Variants in WDPCP observed in about 807,000 individuals in gnomAD.
WDPCP encodes the protein WD repeat containing planar cell polarity effector, also known as WD repeat-containing and planar cell polarity effector protein fritz homolog.
In WDPCP, 71 loss-of-function variants were observed where a neutral mutation model predicts 93.1. The observed-to-expected ratio is 0.76, with a 90% confidence interval of 0.63 to 0.93. The LOEUF (loss-of-function observed/expected upper bound fraction) is 0.93, where lower values mean the gene tolerates loss of function less well. Ranked by LOEUF, WDPCP falls within the 40% of genes least tolerant of loss-of-function variation. The pLI is 0.00. For synonymous variants in WDPCP, 315 were observed against 315.0 expected (o/e 1.00, Z 0.00); for missense variants, 844 against 887.4 (o/e 0.95, Z 0.62).
chr2:63,807,232 A>C (rs1348403111), intron 2 of WDPCP, among the ~76,000 whole-genome samples: 1 of 152,140 alleles, frequency 6.6e-6, no homozygotes, highest in Non-Finnish European at 1.5e-5. Context: ...AGTAATCCCC[A>C]TTATTGGAGG....
intron 3 of WDPCP, among the ~76,000 whole-genome samples, chr2:63,633,969 G>A (rs1215049997): frequency 2.6e-5 from 4 of 152,126 alleles, no homozygotes; most frequent in African/African-American, 7.2e-5. Context: ...GGGTGAGGAA[G>A]GAGAATCACT....
chr2:63,763,653 A>T (rs544048716), intron 2 of WDPCP, among the ~76,000 whole-genome samples: 3 of 152,288 alleles, frequency 2.0e-5, no homozygotes, highest in African/African-American at 7.2e-5. Flanking sequence ...TATATTCGGA[A>T]ATGTAGCACA....
chr2:63,404,296 C>A lies in WDPCP; in HGVS notation c.1187G>T (p.Ser396Ile), dbSNP rs769985636. Residue 396 changes from serine (S) to isoleucine (I), a missense_variant, in exon 10 of 18, where the codon AGC becomes ATC. Coordinates refer to ENST00000272321, the MANE Select transcript of WDPCP (RefSeq NM_015910.7). ...HPSGAILLVGSNQGELQIFDM... is the reference protein window; with the variant it reads ...HPSGAILLVGINQGELQIFDM... Reference sequence around the variant, plus strand: ...AAAAATTTGCAACTCCCCTTGGTTGCTGCCAACTAGCAGAATGGCACCACT... The same window carrying A: ...AAAAATTTGCAACTCCCCTTGGTTGATGCCAACTAGCAGAATGGCACCACT... 5.3e-5 allele frequency: 85 copies of A among 1,614,116 alleles called. No homozygotes were observed. The highest frequency in any genetic ancestry group is 7.0e-5 in the Non-Finnish European group (83 of 1,180,000).
At chr2:63,485,568 C>A (rs1700524972) in intron 4 of WDPCP, among the ~76,000 whole-genome samples, 1 of 151,710 alleles carries the variant, frequency 6.6e-6, no homozygotes, top group African/African-American at 2.4e-5. Flanking sequence ...AAACAGTTAT[C>A]TTTAAAGTAT....
At chr2:63,588,715 G>A, upstream of WDPCP, 1 of 487,220 alleles carries the variant, frequency 2.1e-6, no homozygotes, top group African/African-American at 1.9e-5. Flanking sequence ...CTTTCCTCCT[G>A]AGCCCAAACC....
At chr2:63,209,770 G>A (rs1289699541) in intron 14 of WDPCP, among the ~76,000 whole-genome samples, 3 of 152,024 alleles carry the variant, frequency 2.0e-5, no homozygotes, top group Non-Finnish European at 2.9e-5. Flanking sequence ...CCCACTAATT[G>A]GATACTGATT....
chr2:63,774,639 C>A (rs1281244900), intron 2 of WDPCP, among the ~76,000 whole-genome samples: 2 of 152,132 alleles, frequency 1.3e-5, no homozygotes, highest in African/African-American at 4.8e-5. Flanking sequence ...TTATGGCATA[C>A]CCAGTTCTTC....
chr2:63,679,426 G>T (rs1295231290), intron 2 of WDPCP, among the ~76,000 whole-genome samples: 2 of 152,130 alleles, frequency 1.3e-5, no homozygotes, highest in South Asian at 2.1e-4. Context: ...GGCAGGAGTG[G>T]TGAGTACTCT....
chr2:63,456,043 T>C (rs1191554980), intron 6 of WDPCP, among the ~76,000 whole-genome samples: 3 of 152,026 alleles, frequency 2.0e-5, no homozygotes, highest in Non-Finnish European at 2.9e-5. Context: ...TACAAATACA[T>C]GGAAATTAAA....
chr2:63,674,242 T>A (rs1337672659), intron 2 of WDPCP, among the ~76,000 whole-genome samples: 1 of 152,192 alleles, frequency 6.6e-6, no homozygotes, highest in East Asian at 1.9e-4. Context: ...TTTTTTTTTG[T>A]TTCATTTAAA....
chr2:63,488,005 T>C (rs1159880229), intron 2 of WDPCP, among the ~76,000 whole-genome samples: 2 of 152,102 alleles, frequency 1.3e-5, no homozygotes, highest in Non-Finnish European at 2.9e-5. Flanking sequence ...TACATTATTA[T>C]CTGAAACTTG....
intron 2 of WDPCP, among the ~76,000 whole-genome samples, chr2:63,807,842 C>A (rs1670791853): frequency 6.6e-6 from 1 of 152,134 alleles, no homozygotes; most frequent in Non-Finnish European, 1.5e-5. Flanking sequence ...GTTTTGCTTG[C>A]AATTTAATTC....
At chr2:63,757,037 G>A (rs1324411929) in intron 2 of WDPCP, among the ~76,000 whole-genome samples, 1 of 152,150 alleles carries the variant, frequency 6.6e-6, no homozygotes, top group Non-Finnish European at 1.5e-5. Flanking sequence ...ACAATGTGGA[G>A]TATTTTAGCA....
chr2:63,313,888 T>TATA (rs1686414633), intron 12 of WDPCP, among the ~76,000 whole-genome samples: 2 of 5,016 alleles, frequency 4.0e-4, no homozygotes, highest in East Asian at 0.036. Context: ...ATATATATAT[T>TATA]TTTTTTTTTT....
chr2:63,450,865 A>C (rs891570427), intron 6 of WDPCP, among the ~76,000 whole-genome samples: 1 of 144,956 alleles, frequency 6.9e-6, no homozygotes, highest in Non-Finnish European at 1.6e-5. Flanking sequence ...TACAAAAACA[A>C]ATTCAAAAAA....
At chr2:63,429,391 A>G (rs1696556122) in intron 9 of WDPCP, among the ~76,000 whole-genome samples, 2 of 152,196 alleles carry the variant, frequency 1.3e-5, no homozygotes, top group African/African-American at 2.4e-5. Flanking sequence ...CACTATAAAG[A>G]GAGTAAACAG....
chr2:63,396,644 A>C (rs567159211), intron 10 of WDPCP, among the ~76,000 whole-genome samples: 1 of 144,228 alleles, frequency 6.9e-6, no homozygotes, highest in South Asian at 2.2e-4. Context: ...CTTATCAACC[A>C]CTAAAGTATT....
chr2:63,320,134 T>TA (rs1382161010), intron 12 of WDPCP, among the ~76,000 whole-genome samples: 1 of 151,958 alleles, frequency 6.6e-6, no homozygotes, highest in Non-Finnish European at 1.5e-5. Context: ...CTTAATAATT[T>TA]AAAAAAACAA....
chr2:63,580,200 G>A (rs1269252081), intron 1 of WDPCP, among the ~76,000 whole-genome samples: 1 of 152,148 alleles, frequency 6.6e-6, no homozygotes, highest in Non-Finnish European at 1.5e-5. Flanking sequence ...CAAACTTACA[G>A]TAGAATGCCA....
Sources: allele counts gnomAD v4.1 joint callset (sites outside exome capture counted in the v4.1 genomes callset), GRCh38; gene constraint gnomAD v4.1.1; transcripts MANE v1.5; gene names NCBI Gene and HGNC (gene_info 2026-07-23, HGNC 2026-07-21).